LYPLAL1: variants seen among roughly 807,000 people sequenced by gnomAD.
The protein encoded by LYPLAL1 is lysophospholipase like 1, also known as lysophospholipase-like protein 1.
A neutral mutation model predicts 19.7 loss-of-function variants in LYPLAL1; 23 were observed. That is an observed-to-expected ratio of 1.17 (90% CI 0.84 to 1.65). The LOEUF (loss-of-function observed/expected upper bound fraction) is 1.65, where lower values mean the gene tolerates loss of function less well. LYPLAL1 is among the 40% of genes most tolerant of loss of function. The probability of loss-of-function intolerance (pLI) is 0.00; values close to 1 mark genes in which losing one functional copy is unlikely to be tolerated. For synonymous variants in LYPLAL1, 119 were observed against 96.3 expected, an observed-to-expected ratio of 1.24 and a Z score of -1.38; for missense variants, 355 against 279.4, an observed-to-expected ratio of 1.27 and a Z score of -1.93.
At chr1:219,444,145 G>T in the LYPLAL1 span, among the ~76,000 whole-genome samples, 1 of 152,120 alleles carries the variant, frequency 6.6e-6, no homozygotes, top group Non-Finnish European at 1.5e-5. Flanking sequence ...TGCTTTGTAA[G>T]CTTAAGAAAC....
chr1:219,313,787 G>C, the LYPLAL1 span, among the ~76,000 whole-genome samples: 1 of 152,158 alleles, frequency 6.6e-6, no homozygotes, highest in African/African-American at 2.4e-5. Context: ...CACCCACCTC[G>C]GCCTCCCAAA....
chr1:219,435,718 C>T, the LYPLAL1 span, among the ~76,000 whole-genome samples: 5 of 151,848 alleles, frequency 3.3e-5, no homozygotes, highest in African/African-American at 7.3e-5. Context: ...CCCAGCTACT[C>T]GGGAGGCTGA....
chr1:219,229,194 A>T, the LYPLAL1 span, among the ~76,000 whole-genome samples: 1 of 151,642 alleles, frequency 6.6e-6, no homozygotes, highest in Admixed American at 6.6e-5. Context: ...AAGTGTTGGG[A>T]AGGGAAGAGC....
the LYPLAL1 span, among the ~76,000 whole-genome samples, chr1:219,430,554 G>A: frequency 1.3e-5 from 2 of 152,192 alleles, no homozygotes; most frequent in Non-Finnish European, 2.9e-5. Flanking sequence ...AGTAAGTAAA[G>A]TAATGAATGA....
chr1:219,200,702 G>A, intron 3 of LYPLAL1: 1 of 241,802 alleles, frequency 4.1e-6, no homozygotes, highest in East Asian at 1.1e-4. Context: ...TACACATCTT[G>A]ATCTGCTTGC....
chr1:219,244,324 T>G, the LYPLAL1 span, among the ~76,000 whole-genome samples: 1 of 151,992 alleles, frequency 6.6e-6, no homozygotes, highest in Non-Finnish European at 1.5e-5. Context: ...GTTTATAGAG[T>G]AGGTCTGGAT....
At chr1:219,437,751 ATTTATTTTAT>A in the LYPLAL1 span, among the ~76,000 whole-genome samples, 45 of 143,542 alleles carry the variant, frequency 3.1e-4, no homozygotes, top group East Asian at 1.4e-3. Context: ...ATTTTATTGT[ATTTATTTTAT>A]TTTATTTTAT....
At chr1:219,422,803 A>G in the LYPLAL1 span, among the ~76,000 whole-genome samples, 1 of 152,194 alleles carries the variant, frequency 6.6e-6, no homozygotes, top group Non-Finnish European at 1.5e-5. Context: ...TGATCTTGCT[A>G]CTCAGACTTC....
chr1:219,385,059 G>T, the LYPLAL1 span, among the ~76,000 whole-genome samples: 41,464 of 152,056 alleles, frequency 0.27, 6,296 homozygotes, highest in Admixed American at 0.36. Flanking sequence ...GCAGGTGGTG[G>T]TGGGGGAGGT....
At chr1:219,309,711 A>T in the LYPLAL1 span, among the ~76,000 whole-genome samples, 1 of 152,124 alleles carries the variant, frequency 6.6e-6, no homozygotes, top group African/African-American at 2.4e-5. Context: ...TTCTGCCATG[A>T]TTCTGAGGCC....
At chr1:219,182,794 C>G (rs1656400192) in intron 2 of LYPLAL1, among the ~76,000 whole-genome samples, 2 of 151,916 alleles carry the variant, frequency 1.3e-5, no homozygotes, top group South Asian at 4.1e-4. Context: ...GAAGATATCA[C>G]TTGGCTTGTA....
At chr1:219,315,442 C>G in the LYPLAL1 span, among the ~76,000 whole-genome samples, 1 of 152,010 alleles carries the variant, frequency 6.6e-6, no homozygotes, top group African/African-American at 2.4e-5. Context: ...AAAACAACTC[C>G]CAAGGCTTCT....
downstream of LYPLAL1, among the ~76,000 whole-genome samples, chr1:219,217,615 C>A (rs184725904): frequency 3.0e-3 from 463 of 152,190 alleles, 3 homozygotes; most frequent in African/African-American, 0.011. Flanking sequence ...ATTATCTACT[C>A]CTCATTCACC....
chr1:219,380,810 T>C, the LYPLAL1 span, among the ~76,000 whole-genome samples: 1 of 152,208 alleles, frequency 6.6e-6, no homozygotes, highest in Admixed American at 6.5e-5. Context: ...TGTGAGCATA[T>C]GGGGTGTCTG....
At chr1:219,241,149 T>TATATATATATATATATATATATATATAC in the LYPLAL1 span, among the ~76,000 whole-genome samples, 1 of 137,880 alleles carries the variant, frequency 7.3e-6, no homozygotes, top group Non-Finnish European at 1.6e-5. Context: ...TATATATATA[T>TATATATATATATATATATATATATATAC]ATATATATAT....
At chr1:219,228,522 C>T in the LYPLAL1 span, among the ~76,000 whole-genome samples, 4 of 151,814 alleles carry the variant, frequency 2.6e-5, no homozygotes, top group Admixed American at 2.6e-4. Flanking sequence ...TTTCACGTGA[C>T]ATAATTTATT....
chr1:219,285,622 G>A, the LYPLAL1 span, among the ~76,000 whole-genome samples: 1 of 152,126 alleles, frequency 6.6e-6, no homozygotes, highest in Non-Finnish European at 1.5e-5. Flanking sequence ...AGACATGAAA[G>A]GCCACATATT....
At chr1:219,427,149 C>G in the LYPLAL1 span, among the ~76,000 whole-genome samples, 1 of 152,062 alleles carries the variant, frequency 6.6e-6, no homozygotes, top group South Asian at 2.1e-4. Context: ...ATTCTTTGTC[C>G]TATTAGTAAA....
At chr1:219,346,477 T>C in the LYPLAL1 span, among the ~76,000 whole-genome samples, 2 of 143,752 alleles carry the variant, frequency 1.4e-5, no homozygotes, top group African/African-American at 5.4e-5. Flanking sequence ...TTTTTTTTTT[T>C]CAAAAAAGCC....
Sources: gnomAD v4.1 joint callset for allele counts (sites outside exome capture counted in the v4.1 genomes callset) on GRCh38, gnomAD v4.1.1 for gene constraint, MANE v1.5 for transcripts, NCBI Gene and HGNC (gene_info 2026-07-23, HGNC 2026-07-21) for gene names.